The following DPP10 variants were observed in gnomAD, a reference collection of about 807,000 sequenced individuals.
DPP10 encodes inactive dipeptidyl peptidase 10.
Under a neutral mutation model 120.9 loss-of-function variants are expected in DPP10, and 33 were observed. The observed-to-expected ratio is 0.27, with a 90% CI of 0.21 to 0.37. DPP10 has a LOEUF of 0.37. DPP10 is among the 10% of genes least tolerant of loss of function. The probability of loss-of-function intolerance (pLI) is 1.00; values close to 1 mark genes in which losing one functional copy is unlikely to be tolerated. For missense variants in DPP10, 816 were observed against 942.8 expected, an observed-to-expected ratio of 0.87 and a Z score of 1.76; for synonymous variants, 337 against 326.1, an observed-to-expected ratio of 1.03 and a Z score of -0.36.
intron 1 of DPP10, among the ~76,000 whole-genome samples, chr2:114,726,234 T>TAAAAAA (rs66544851): frequency 8.8e-6 from 1 of 113,884 alleles, no homozygotes; most frequent in Non-Finnish European, 1.9e-5. Context: ...AGACTACGTC[T>TAAAAAA]AAAAAAAAAA....
At chr2:115,179,587 G>A (rs1559194195) in intron 1 of DPP10, among the ~76,000 whole-genome samples, 1 of 152,118 alleles carries the variant, frequency 6.6e-6, no homozygotes, top group Non-Finnish European at 1.5e-5. Flanking sequence ...GGAGATAATA[G>A]TATTTGAGGT....
chr2:114,650,112 C>T (rs1696465886), intron 1 of DPP10, among the ~76,000 whole-genome samples: 1 of 152,118 alleles, frequency 6.6e-6, no homozygotes, highest in African/African-American at 2.4e-5. Flanking sequence ...CCATAGGGAA[C>T]CAGTCAGTCT....
intron 3 of DPP10, among the ~76,000 whole-genome samples, chr2:115,374,168 C>G (rs1356140036): frequency 6.6e-6 from 1 of 152,126 alleles, no homozygotes; most frequent in African/African-American, 2.4e-5. Context: ...AACAATCCCC[C>G]AGTGTCTTAA....
rs533278887 is a variant in DPP10, at chr2:114,922,103, A to G, written c.61-387136A>G. Among the ~76,000 whole-genome samples, 361 of 152,350 alleles carry G rather than the reference A, an allele frequency of 2.4e-3. 3 individuals carry two copies. The highest frequency in any genetic ancestry group is 8.2e-3 in the African/African-American group (342 of 41,580). ...TATATTGAGATATAATTTACATACC[A>G]TAAAGTTAGCCCTTTTAATTTTCAG... On this transcript the variant is annotated intron_variant, in intron 1 of 25. Coordinates refer to ENST00000410059, the MANE Select transcript of DPP10 (RefSeq NM_020868.6).
rs34349514 is a variant in DPP10 at position 114,572,564 on chromosome 2, C to G, written c.60+129726C>G. Reference sequence around the variant, plus strand: ...AAGAGGCAGATCTCTCCACCCTATTCAATCTGTCCAGCTCCCGTGACATGT... The same window carrying G: ...AAGAGGCAGATCTCTCCACCCTATTGAATCTGTCCAGCTCCCGTGACATGT... On this transcript the variant is annotated intron_variant, in intron 1 of 25. Coordinates refer to ENST00000410059, the MANE Select transcript of DPP10 (RefSeq NM_020868.6). 5.7e-3 allele frequency among the ~76,000 whole-genome samples: 868 copies of G among 152,272 alleles called. 4 individuals are homozygous for G. Among genetic ancestry groups the G allele is most frequent in the Non-Finnish European group, 9.1e-3 (618 of 68,026 alleles).
chr2:114,483,048 T>C (rs1411766815), intron 1 of DPP10, among the ~76,000 whole-genome samples: 5 of 152,184 alleles, frequency 3.3e-5, no homozygotes, highest in Non-Finnish European at 5.9e-5. Context: ...GGACTCGTTT[T>C]TCCATTTTCT....
At chr2:115,357,458 T>C (rs1164515565) in intron 3 of DPP10, among the ~76,000 whole-genome samples, 1 of 152,236 alleles carries the variant, frequency 6.6e-6, no homozygotes, top group Admixed American at 6.5e-5. Context: ...GTAACACTGA[T>C]GCAAGAGGTG....
At chr2:115,072,618 CATACAACCTCAGAGAAA>C (rs1365896534) in intron 1 of DPP10, among the ~76,000 whole-genome samples, 1 of 152,132 alleles carries the variant, frequency 6.6e-6, no homozygotes, top group African/African-American at 2.4e-5. Flanking sequence ...TGTGTGCCTA[CATACAACCTCAGAGAAA>C]ATGTGTAAAT....
At chr2:115,009,879 AT>A (rs1455891627) in intron 1 of DPP10, among the ~76,000 whole-genome samples, 4 of 152,176 alleles carry the variant, frequency 2.6e-5, no homozygotes, top group African/African-American at 4.8e-5. Flanking sequence ...ATTAATACAA[AT>A]TTTTTTAAAG....
chr2:114,559,891 C>CAAAAAAAAAAAAAAAAAAAAAAAAAG (rs60833358), intron 1 of DPP10, among the ~76,000 whole-genome samples: 1 of 65,954 alleles, frequency 1.5e-5, no homozygotes, highest in Non-Finnish European at 3.1e-5. Context: ...AGAAAAAAAG[C>CAAAAAAAAAAAAAAAAAAAAAAAAAG]AAAAAAAAAA....
intron 1 of DPP10, among the ~76,000 whole-genome samples, chr2:115,225,593 A>G (rs71418538): frequency 0.024 from 3,608 of 151,960 alleles, 66 homozygotes; most frequent in Non-Finnish European, 0.038. Flanking sequence ...CCAATCATCT[A>G]TGGGTAGTTA....
chr2:115,169,799 T>C (rs565073082), intron 1 of DPP10, among the ~76,000 whole-genome samples: 2 of 152,350 alleles, frequency 1.3e-5, no homozygotes, highest in African/African-American at 2.4e-5. Flanking sequence ...AATATTATTG[T>C]AATTCGTCAT....
At chr2:115,011,462 C>T (rs1702258164) in intron 1 of DPP10, among the ~76,000 whole-genome samples, 1 of 152,158 alleles carries the variant, frequency 6.6e-6, no homozygotes. Context: ...TTTTTAGGCA[C>T]ATAAGCATTT....
intron 1 of DPP10, among the ~76,000 whole-genome samples, chr2:115,027,281 T>A (rs1429399149): frequency 6.6e-6 from 1 of 152,214 alleles, no homozygotes. Context: ...CATCTGCGCA[T>A]AAAGCCAATT....
At chr2:114,976,420 T>A (rs1558944995) in intron 1 of DPP10, among the ~76,000 whole-genome samples, 1 of 152,238 alleles carries the variant, frequency 6.6e-6, no homozygotes, top group Non-Finnish European at 1.5e-5. Flanking sequence ...GCTGAATTTA[T>A]CATTGGGCAG....
At chr2:115,292,236 A>G (rs563242803) in intron 1 of DPP10, among the ~76,000 whole-genome samples, 2 of 152,280 alleles carry the variant, frequency 1.3e-5, no homozygotes, top group Non-Finnish European at 2.9e-5. Flanking sequence ...TAGACTTCAT[A>G]TATTTGTAAA....
chr2:115,174,157 T>C (rs2053548695), intron 1 of DPP10, among the ~76,000 whole-genome samples: 1 of 152,224 alleles, frequency 6.6e-6, no homozygotes, highest in Admixed American at 6.5e-5. Flanking sequence ...ATGGTTTGTG[T>C]AAAGTCTAGG....
intron 1 of DPP10, among the ~76,000 whole-genome samples, chr2:115,114,854 A>T (rs1295648540): frequency 6.6e-6 from 1 of 152,136 alleles, no homozygotes; most frequent in East Asian, 1.9e-4. Context: ...GAAGTATAGC[A>T]TTAACACGTT....
At chr2:114,958,779 A>C (rs1312538332) in intron 1 of DPP10, among the ~76,000 whole-genome samples, 1 of 152,164 alleles carries the variant, frequency 6.6e-6, no homozygotes, top group East Asian at 1.9e-4. Context: ...TGTTTTTATA[A>C]TAAGCCAGTA....
Sources: allele counts gnomAD v4.1 joint callset (sites outside exome capture counted in the v4.1 genomes callset), GRCh38; gene constraint gnomAD v4.1.1; transcripts MANE v1.5; gene names NCBI Gene and HGNC (gene_info 2026-07-23, HGNC 2026-07-21).